SENP6: variants seen among roughly 807,000 people sequenced by gnomAD.
SENP6 encodes the protein SUMO specific peptidase 6.
A neutral mutation model predicts 134.5 loss-of-function variants in SENP6; 41 were observed. The observed-to-expected ratio is 0.30, with a 90% CI of 0.24 to 0.40. SENP6 has a LOEUF of 0.40. SENP6 is among the 10% of genes least tolerant of loss of function. The pLI is 1.00. For missense variants in SENP6, 1,248 were observed against 1,312.5 expected (o/e 0.95, Z 0.76); for synonymous variants, 395 against 429.8 (o/e 0.92, Z 1.00).
intron 19 of SENP6, among the ~76,000 whole-genome samples, chr6:75,705,631 C>G (rs1431586951): frequency 6.6e-6 from 1 of 152,010 alleles, no homozygotes. Flanking sequence ...TGTATAATTT[C>G]CTCTCCAACC....
chr6:75,676,049 TAAC>T lies in SENP6; in HGVS notation c.1619_1621del (p.Thr540del), dbSNP rs771400441. ...AATGATTGTAAAGGAGTAAATAAATTAACAAGTAAGTTGTGTAAAACAGATTAT... is the reference window on the plus strand; with the variant it reads ...AATGATTGTAAAGGAGTAAATAAATTAAGTAAGTTGTGTAAAACAGATTAT... On this transcript the variant is annotated inframe_deletion and splice_region_variant, in exon 13 of 24. Coordinates refer to ENST00000447266, the MANE Select transcript of SENP6 (RefSeq NM_015571.4). 1.9e-6 allele frequency: 3 copies of T among 1,584,400 alleles called. No homozygotes were observed. The highest frequency in any genetic ancestry group is 3.7e-5 in the Admixed American group (2 of 54,674).
Position 75,703,054 on chromosome 6 carries a change from A to G in SENP6, c.2698A>G (p.Ser900Gly). ...GAATGGCCTACAGAATGAAAGTTTA[A>G]GTTCCACACATCATACAGGTATGTA... ...SENGLQNESL[S>G]STHHTDGLSK... Residue 900 changes from serine to glycine, a missense_variant, in exon 19 of 24, where the codon AGT becomes GGT. By Grantham distance (56) the Ser-to-Gly change is moderately conservative. Transcript: ENST00000447266. 1 of 1,607,360 alleles carries G rather than the reference A, an allele frequency of 6.2e-7. No homozygotes were observed. The highest frequency in any genetic ancestry group is 8.5e-7 in the Non-Finnish European group (1 of 1,177,148).
Position 75,715,650 on chromosome 6 carries a change from G to C in SENP6, c.*56G>C. ...AGAAACTAAATGACTTTCAAATTTG[G>C]GTATAGACAATAAAGAACTGAAGTG... On this transcript the variant is annotated 3_prime_UTR_variant, in exon 24 of 24. Coordinates refer to ENST00000447266, the MANE Select transcript of SENP6 (RefSeq NM_015571.4). 2 of 1,392,890 alleles carry C rather than the reference G, an allele frequency of 1.4e-6. No homozygotes were observed. The highest frequency in any genetic ancestry group is 2.5e-5 in the South Asian group (2 of 80,360). The allele number at this position is 1,392,890 out of a possible 1,614,324, so 86.3% of individuals were successfully genotyped here. A position where few individuals can be genotyped will look rare whatever the true frequency, so the allele number is the denominator to read the frequency against.
intron 7 of SENP6, among the ~76,000 whole-genome samples, chr6:75,651,467 A>G (rs1582768614): frequency 6.6e-6 from 1 of 151,872 alleles, no homozygotes; most frequent in African/African-American, 2.4e-5. Flanking sequence ...TCATTCTCCC[A>G]CCTCCACCAA....
intron 3 of SENP6, among the ~76,000 whole-genome samples, chr6:75,624,661 T>G (rs1009081341): frequency 6.6e-6 from 1 of 152,224 alleles, no homozygotes; most frequent in African/African-American, 2.4e-5. Flanking sequence ...AGTCTCATTC[T>G]TTTTTAGAAT....
At chr6:75,639,141 CCTAA>C (rs1181017668) in intron 5 of SENP6, among the ~76,000 whole-genome samples, 1 of 152,050 alleles carries the variant, frequency 6.6e-6, no homozygotes, top group Non-Finnish European at 1.5e-5. Context: ...GGTATTAATG[CCTAA>C]CTGTTGGTTT....
At chr6:75,651,560 C>CAGTTTG (rs1207062573) in intron 7 of SENP6, among the ~76,000 whole-genome samples, 1 of 152,140 alleles carries the variant, frequency 6.6e-6, no homozygotes, top group African/African-American at 2.4e-5. Context: ...CCGTGTTGCC[C>CAGTTTG]AGTTTGCTGT....
At position 75,670,626 on chromosome 6, in the gene SENP6, C is replaced by T. The variant is rs2783350; in HGVS notation, c.1298C>T (p.Ala433Val). The T allele has an allele frequency of 1.1e-4, 171 of 1,613,392 alleles. No individual in the cohort carries two copies. The highest frequency in any genetic ancestry group is 1.4e-4 in the Non-Finnish European group (161 of 1,179,656). Residue 433 changes from alanine to valine, a missense_variant, in exon 11 of 24, where the codon GCT (alanine) becomes GTT (valine). Transcript: ENST00000447266. ...TCTCAAGAACCTCCAGATGCTTTAG[C>T]TTTAAGCTGCCAAAGTTCCTTTGAC... ...VFSQEPPDAL[A>V]LSCQSSFDSV...
At chr6:75,713,617 T>C in intron 22 of SENP6, 36 bp downstream of exon 22, 1 of 1,599,318 alleles carries the variant, frequency 6.3e-7, no homozygotes, top group Non-Finnish European at 8.6e-7. Context: ...CTGATGGGGA[T>C]GAAGAACTAT....
intron 16 of SENP6, among the ~76,000 whole-genome samples, chr6:75,687,649 GTTTTCCTTC>G (rs1454168380): frequency 6.6e-6 from 1 of 152,138 alleles, no homozygotes; most frequent in Non-Finnish European, 1.5e-5. Context: ...ATTCCTTTCT[GTTTTCCTTC>G]TAACAGTCAG....
intron 1 of SENP6, among the ~76,000 whole-genome samples, chr6:75,608,767 T>C (rs1767223832): frequency 6.6e-6 from 1 of 152,180 alleles, no homozygotes; most frequent in Non-Finnish European, 1.5e-5. Flanking sequence ...AAGATTGCCA[T>C]GAGGATTGAG....
chr6:75,659,323 A>G lies in SENP6; in HGVS notation c.612A>G (p.Lys204=), dbSNP rs1771596698. The change falls in exon 8 of 24, where the codon AAA becomes AAG. Residue 204 remains lysine (K), a synonymous_variant. Coordinates refer to ENST00000447266, the MANE Select transcript of SENP6 (RefSeq NM_015571.4). The stretch of plus-strand genomic sequence containing the variant: ...AAGTGGAGCCTGAAATTAAGAGGAA[A>G]GTACAACAGAAACGACACTGTAGTA... ...ESQVEPEIKR[K]VQQKRHCSTY... The G allele has an allele frequency of 1.2e-6, 2 of 1,612,030 alleles. No individual in the cohort carries two copies. The highest frequency in any genetic ancestry group is 1.7e-6 in the Non-Finnish European group (2 of 1,178,230).
At position 75,709,535 on chromosome 6, in the gene SENP6, A is replaced by C. The variant is rs1562077471; in HGVS notation, c.2725A>C (p.Ser909Arg). 1 of 1,613,272 alleles carries C rather than the reference A, an allele frequency of 6.2e-7. No homozygotes were observed. Among genetic ancestry groups the C allele is most frequent in the East Asian group, 2.2e-5 (1 of 44,852 alleles). ...GTTTCTTATTGATACAGATGGCTTAAGCAAAATCAGACTAAACTATAGCGA... is the reference window on the plus strand; with the variant it reads ...GTTTCTTATTGATACAGATGGCTTACGCAAAATCAGACTAAACTATAGCGA... ...LSSTHHTDGLSKIRLNYSDES... is the reference protein window; with the variant it reads ...LSSTHHTDGLRKIRLNYSDES... Residue 909 changes from serine (S) to arginine (R), a missense_variant, in exon 20 of 24, where the codon AGC becomes CGC. Ser to Arg is a moderately radical substitution (Grantham distance 110, BLOSUM62 -1). Around this residue, in one of 3 missense-constraint regions of SENP6, gnomAD observed 386 missense variants for 395.0 expected, o/e 0.98. Transcript: ENST00000447266.
intron 1 of SENP6, chr6:75,620,682 T>G (rs976793794): frequency 6.6e-6 from 1 of 152,234 alleles, no homozygotes; most frequent in African/African-American, 2.4e-5. Flanking sequence ...TGTCTTTAGT[T>G]CAACTCAGAA....
chr6:75,666,220 GAT>G (rs1241002871), intron 9 of SENP6, among the ~76,000 whole-genome samples: 1 of 140,722 alleles, frequency 7.1e-6, no homozygotes, highest in Non-Finnish European at 1.5e-5. Context: ...ATATAAGTAT[GAT>G]ATATATAAAA....
chr6:75,663,827 G>C lies in SENP6; in HGVS notation c.994+309G>C, dbSNP rs1238333880. 3.0e-4 allele frequency among the ~76,000 whole-genome samples: 45 copies of C among 148,712 alleles called. 1 individual carries two copies. The highest frequency in any genetic ancestry group is 5.8e-4 in the Non-Finnish European group (39 of 67,170). Reference sequence around the variant, plus strand: ...TAGTGGGTTTTTTTTTTTGTGGGGGGGGGGGTGCCTAAAATAACATAAAGT... The same window carrying C: ...TAGTGGGTTTTTTTTTTTGTGGGGGCGGGGGTGCCTAAAATAACATAAAGT... On this transcript the variant is annotated intron_variant, in intron 9 of 23. Transcript: ENST00000447266.
rs763256126 is a variant in SENP6, at chr6:75,663,303, C to T, written c.779C>T (p.Ser260Phe). ...TTAAGAACGTCAATTCATCAGAATT[C>T]TGGAGGACAGAAGTCACAAAACACA... ...PLLRTSIHQN[S>F]GGQKSQNTGL... The change falls in exon 9 of 24, where the codon TCT becomes TTT. Residue 260 changes from serine to phenylalanine, a missense_variant. Physicochemically the swap from Ser to Phe is radical, Grantham distance 155 (BLOSUM62 -2). This residue lies in a region of SENP6 where 733 missense variants were observed against 725.4 expected (regional missense o/e 1.01). Coordinates refer to ENST00000447266, the MANE Select transcript of SENP6 (RefSeq NM_015571.4). 59 of 1,613,570 alleles carry T rather than the reference C, an allele frequency of 3.7e-5. No homozygotes were observed. In the East Asian group the frequency reaches 1.2e-3, roughly 34 times the overall value.
At chr6:75,709,503 A>G in intron 19 of SENP6, 24 bp from the exon 20 acceptor site, 1 of 1,524,934 alleles carries the variant, frequency 6.6e-7, no homozygotes, top group Non-Finnish European at 9.1e-7. Context: ...CTTTTTTATT[A>G]TGTAATGTTT....
chr6:75,659,872 C>T (rs1026523077), intron 8 of SENP6, among the ~76,000 whole-genome samples: 3 of 152,004 alleles, frequency 2.0e-5, no homozygotes, highest in African/African-American at 4.8e-5. Flanking sequence ...GCCCATTTAC[C>T]ATTTAATATT....
Sources: gnomAD v4.1 joint callset for allele counts (sites outside exome capture counted in the v4.1 genomes callset) on GRCh38, gnomAD v4.1.1 for gene constraint, gnomAD v4.1.1 regional missense constraint, MANE v1.5 for transcripts, NCBI Gene and HGNC (gene_info 2026-07-23, HGNC 2026-07-21) for gene names.